Variants in LCP1 observed in about 807,000 individuals in gnomAD.
The protein encoded by LCP1 is plastin-2.
A neutral mutation model predicts 72.0 loss-of-function variants in LCP1; 23 were observed. The ratio of observed to expected loss-of-function variants is 0.32; its 90% CI spans 0.23 to 0.45. The LOEUF (loss-of-function observed/expected upper bound fraction) is 0.45, where lower values mean the gene tolerates loss of function less well. Ranked by LOEUF, LCP1 falls within the 20% of genes least tolerant of loss-of-function variation. LCP1 has a pLI of 1.00. For synonymous variants in LCP1, 245 were observed against 275.4 expected (o/e 0.89, Z 1.09); for missense variants, 571 against 748.3 (o/e 0.76, Z 2.76).
chr13:46,138,959 A>T (rs1158483086), intron 13 of LCP1, among the ~76,000 whole-genome samples: 1 of 152,098 alleles, frequency 6.6e-6, no homozygotes, highest in Non-Finnish European at 1.5e-5. Flanking sequence ...TGAGCTTTTT[A>T]ATCATTAAAA....
intron 7 of LCP1, 32 bp downstream of exon 7, chr13:46,152,747 GT>G (rs768281417): frequency 1.3e-6 from 2 of 1,597,726 alleles, no homozygotes; most frequent in South Asian, 2.2e-5. Context: ...TTAGAAAGCT[GT>G]GTCATAAATG....
At chr13:46,138,537 C>A (rs2138227332) in intron 13 of LCP1, among the ~76,000 whole-genome samples, 1 of 152,250 alleles carries the variant, frequency 6.6e-6, no homozygotes, top group African/African-American at 2.4e-5. Flanking sequence ...TATGTGCCAG[C>A]CATTAAATAG....
At chr13:46,138,541 T>G (rs2045678773) in intron 13 of LCP1, among the ~76,000 whole-genome samples, 1 of 152,212 alleles carries the variant, frequency 6.6e-6, no homozygotes, top group Non-Finnish European at 1.5e-5. Context: ...TGCCAGCCAT[T>G]AAATAGGGCT....
intron 13 of LCP1, among the ~76,000 whole-genome samples, chr13:46,135,125 A>AAAAAG (rs2045657328): frequency 8.4e-6 from 1 of 119,290 alleles, no homozygotes. Context: ...AAAAAAAAAG[A>AAAAAG]AAAAAAAAAA....
chr13:46,134,285 T>C, intron 13 of LCP1, 35 bp from the exon 14 acceptor site: 1 of 1,592,972 alleles, frequency 6.3e-7, no homozygotes, highest in Non-Finnish European at 8.6e-7. Flanking sequence ...TGGAGAACAG[T>C]TGCTAAAGAA....
intron 13 of LCP1, among the ~76,000 whole-genome samples, chr13:46,135,598 C>G (rs1477109007): frequency 6.6e-6 from 1 of 152,148 alleles, no homozygotes; most frequent in African/African-American, 2.4e-5. Context: ...GCTTGTGCAA[C>G]TTTTCTTTAT....
At chr13:46,132,315 CT>C (rs1348917032) in intron 14 of LCP1, among the ~76,000 whole-genome samples, 2 of 152,168 alleles carry the variant, frequency 1.3e-5, no homozygotes, top group Admixed American at 1.3e-4. Flanking sequence ...AGAAGCACCC[CT>C]GGGCTATGTA....
intron 11 of LCP1, among the ~76,000 whole-genome samples, chr13:46,144,117 G>A (rs925876133): frequency 5.3e-5 from 8 of 152,138 alleles, no homozygotes; most frequent in African/African-American, 1.7e-4. Context: ...TTAACAAGTG[G>A]CATAGGAGAC....
At chr13:46,128,454 C>G (rs543124077) in intron 15 of LCP1, among the ~76,000 whole-genome samples, 1 of 152,058 alleles carries the variant, frequency 6.6e-6, no homozygotes. Context: ...AAAAATTAGC[C>G]AGGCGTGGTG....
In LCP1 at chr13:46,159,657, G is replaced by C. The variant is rs199650476; in HGVS notation, c.6C>G (p.Ala2=). Residue 2 remains alanine, a synonymous_variant, in exon 2 of 16, where the codon GCC becomes GCG. Transcript: ENST00000323076. M[A]RGSVSDEEMM... is the part of the protein sequence containing the mutation. ...TTTCCTCATCGGACACTGATCCTCT[G>C]GCCATTTTTTATTGCTTTAGGTAAC... 1.5e-5 allele frequency: 24 copies of C among 1,613,812 alleles called. No individual in the cohort carries two copies. The highest frequency in any genetic ancestry group is 2.0e-5 in the Non-Finnish European group (24 of 1,179,814).
rs2045935807 is a variant in LCP1 at position 46,177,254 on chromosome 13, T to A, written c.-25+4857A>T. 2.0e-5 allele frequency among the ~76,000 whole-genome samples: 3 copies of A among 152,254 alleles called. No individual in the cohort carries two copies. In the South Asian group the frequency reaches 6.2e-4, roughly 31 times the overall value. On this transcript the variant is annotated intron_variant, in intron 1 of 15. Transcript: ENST00000323076. The stretch of plus-strand genomic sequence containing the variant: ...CCATTACTATACAATCATAGATATG[T>A]GTACTTGGGTATAAAAAGTAGAATG...
At chr13:46,138,845 C>T (rs748588785) in intron 13 of LCP1, among the ~76,000 whole-genome samples, 6 of 152,132 alleles carry the variant, frequency 3.9e-5, no homozygotes, top group South Asian at 4.1e-4. Flanking sequence ...TGGGGTTTCA[C>T]CATGCTGGCC....
intron 1 of LCP1, among the ~76,000 whole-genome samples, chr13:46,170,953 A>G (rs1488885046): frequency 1.3e-5 from 2 of 152,182 alleles, no homozygotes; most frequent in Admixed American, 6.5e-5. Context: ...ATTTCAACAG[A>G]GCAGTAGGAG....
At position 46,127,385 on chromosome 13, in the gene LCP1, A is replaced by G; in HGVS notation, c.*206T>C. On this transcript the variant is annotated 3_prime_UTR_variant, in exon 16 of 16. Coordinates refer to ENST00000323076, the MANE Select transcript of LCP1 (RefSeq NM_002298.5). ...GCAAATAAATCAAGAATAGAAACCTATATATAGGAGGTTGGGCCTCCTGCA... is the reference window on the plus strand; with the variant it reads ...GCAAATAAATCAAGAATAGAAACCTGTATATAGGAGGTTGGGCCTCCTGCA... 1 of 534,738 alleles carries G rather than the reference A, an allele frequency of 1.9e-6. No homozygotes were observed. Among genetic ancestry groups the G allele is most frequent in the Non-Finnish European group, 3.3e-6 (1 of 303,296 alleles). The allele number at this position is 534,738 out of a possible 1,614,324, so 33.1% of individuals were successfully genotyped here. A position where few individuals can be genotyped will look rare whatever the true frequency, so the allele number is the denominator to read the frequency against.
At chr13:46,139,585 A>T (rs1593945684) in intron 13 of LCP1, among the ~76,000 whole-genome samples, 1 of 152,182 alleles carries the variant, frequency 6.6e-6, no homozygotes, top group African/African-American at 2.4e-5. Flanking sequence ...CTAACATAGG[A>T]TCTAATGAGG....
At chr13:46,157,647 T>A (rs921973825) in intron 4 of LCP1, among the ~76,000 whole-genome samples, 1 of 152,190 alleles carries the variant, frequency 6.6e-6, no homozygotes. Context: ...CATTGCACAT[T>A]TGACCCAGCA....
At chr13:46,144,092 A>G (rs1032721192) in intron 11 of LCP1, among the ~76,000 whole-genome samples, 2 of 152,192 alleles carry the variant, frequency 1.3e-5, no homozygotes, top group Admixed American at 6.5e-5. Flanking sequence ...TGAAAAAAAA[A>G]AGAAGAAAAT....
intron 7 of LCP1, 64 bp from the exon 8 acceptor site, chr13:46,151,142 T>C (rs2045761403): frequency 2.6e-6 from 4 of 1,512,146 alleles, no homozygotes; most frequent in Middle Eastern, 2.0e-4. Context: ...GGGTTGGTTA[T>C]AACTTTCATT....
At chr13:46,148,585 C>A (rs1161742463) in intron 8 of LCP1, 138 bp from the exon 9 acceptor site, 38 of 643,136 alleles carry the variant, frequency 5.9e-5, no homozygotes, top group African/African-American at 5.8e-4. Context: ...AAGCTAGAAA[C>A]ATTCACTAAT....
Sources: allele counts gnomAD v4.1 joint callset (sites outside exome capture counted in the v4.1 genomes callset), GRCh38; gene constraint gnomAD v4.1.1; transcripts MANE v1.5; gene names NCBI Gene and HGNC (gene_info 2026-07-23, HGNC 2026-07-21).